Variants in CADM2 observed in about 807,000 individuals in gnomAD.
CADM2 encodes the protein immunoglobulin superfamily member 4D.
Under a neutral mutation model 49.8 loss-of-function variants are expected in CADM2, and 12 were observed. That is an observed-to-expected ratio of 0.24 (90% CI 0.15 to 0.39). CADM2 has a LOEUF of 0.39. Among genes scored for constraint, CADM2 ranks in the 10% least tolerant of loss-of-function variants. The probability of loss-of-function intolerance (pLI) is 1.00; values close to 1 mark genes in which losing one functional copy is unlikely to be tolerated. For synonymous variants in CADM2, 214 were observed against 175.4 expected (o/e 1.22, Z -1.74); for missense variants, 378 against 492.3 (o/e 0.77, Z 2.20).
intron 1 of CADM2, among the ~76,000 whole-genome samples, chr3:85,674,080 A>G (rs909175224): frequency 1.3e-5 from 2 of 152,174 alleles, no homozygotes; most frequent in Admixed American, 6.6e-5. Context: ...GTTGGAATGC[A>G]GCAGTCAACG....
intron 8 of CADM2, among the ~76,000 whole-genome samples, chr3:85,984,017 C>T (rs1577862064): frequency 6.7e-6 from 1 of 149,530 alleles, no homozygotes; most frequent in African/African-American, 2.4e-5. Flanking sequence ...ATATGACACA[C>T]ATAATATATT....
chr3:85,381,022 G>T (rs2033874469), intron 1 of CADM2, among the ~76,000 whole-genome samples: 1 of 152,036 alleles, frequency 6.6e-6, no homozygotes, highest in Non-Finnish European at 1.5e-5. Flanking sequence ...GTTAGAAAGT[G>T]TAGCTATGAA....
chr3:85,491,441 G>A (rs995427082), intron 1 of CADM2, among the ~76,000 whole-genome samples: 1 of 151,930 alleles, frequency 6.6e-6, no homozygotes, highest in African/African-American at 2.4e-5. Context: ...CCTTCATTTC[G>A]TTTTTGCCAT....
In CADM2 at chr3:85,321,112, ATATATTTTTTTTTTTTTTTTTTTTTTTTT is replaced by A. The variant is rs1232507846; in HGVS notation, c.61+361446_61+361474del. Among the ~76,000 whole-genome samples, 24 of 35,864 alleles carry A rather than the reference ATATATTTTTTTTTTTTTTTTTTTTTTTTT, an allele frequency of 6.7e-4. 1 individual carries two copies. The highest frequency in any genetic ancestry group is 1.9e-3 in the African/African-American group (21 of 10,882). The allele number at this position is 35,864 out of a possible 152,430, so 23.5% of individuals were successfully genotyped here. A position where few individuals can be genotyped will look rare whatever the true frequency, so the allele number is the denominator to read the frequency against. On this transcript the variant is annotated intron_variant, in intron 1 of 9. Transcript: ENST00000383699. ...TATACATATATATATATATATATAT[ATATATTTTTTTTTTTTTTTTTTTTTTTTT>A]TTTTTTTTTTTTTTTTTTTTTTTTT...
intron 1 of CADM2, among the ~76,000 whole-genome samples, chr3:85,256,751 T>C: frequency 6.6e-6 from 1 of 152,120 alleles, no homozygotes; most frequent in East Asian, 1.9e-4. Flanking sequence ...GCGCACACCG[T>C]CCATTCTGTA....
chr3:85,057,938 T>C (rs1247001227), intron 1 of CADM2, among the ~76,000 whole-genome samples: 1 of 152,194 alleles, frequency 6.6e-6, no homozygotes, highest in African/African-American at 2.4e-5. Flanking sequence ...TTTCATAAAA[T>C]ATTTTACTGT....
At position 84,959,360 on chromosome 3, in the gene CADM2, G is replaced by T. The variant is rs28646033; in HGVS notation, c.-248G>T. 70,789 of 563,714 alleles carry T rather than the reference G, an allele frequency of 0.13. 5,552 individuals carry two copies. Among genetic ancestry groups the T allele is most frequent in the Non-Finnish European group, 0.17 (53,471 of 316,788 alleles). 34.9% of individuals were successfully genotyped at this position (563,714 alleles called of 1,614,324 possible). ...CCCTGCCTGGAAGACGGGCTGTCGC[G>T]GCTGCACCACCAGCAGGAGGAGGAG... is the stretch of plus-strand genomic sequence containing the variant. On this transcript the variant is annotated 5_prime_UTR_variant, in exon 1 of 10. Coordinates refer to ENST00000383699, the MANE Select transcript of CADM2 (RefSeq NM_001167675.2).
chr3:85,675,895 C>T (rs1230743372), intron 1 of CADM2, among the ~76,000 whole-genome samples: 1 of 152,164 alleles, frequency 6.6e-6, no homozygotes, highest in Admixed American at 6.5e-5. Context: ...AGGGAGAAGA[C>T]ATAATGTGCA....
At chr3:85,629,105 C>G (rs191562074) in intron 1 of CADM2, among the ~76,000 whole-genome samples, 300 of 151,884 alleles carry the variant, frequency 2.0e-3, no homozygotes, top group African/African-American at 6.4e-3. Flanking sequence ...CTGTGAACCT[C>G]AGACAGCATA....
intron 1 of CADM2, among the ~76,000 whole-genome samples, chr3:85,328,017 G>A (rs1427958530): frequency 2.6e-5 from 4 of 152,114 alleles, no homozygotes; most frequent in Non-Finnish European, 5.9e-5. Context: ...ATTGTTTTCA[G>A]TCGAAATACT....
At chr3:85,514,246 A>G (rs928409834) in intron 1 of CADM2, among the ~76,000 whole-genome samples, 15 of 152,084 alleles carry the variant, frequency 9.9e-5, no homozygotes, top group African/African-American at 3.6e-4. Context: ...AAAGAGTTGT[A>G]ATGAGAATAA....
intron 8 of CADM2, chr3:86,012,733 T>A: frequency 1.2e-6 from 1 of 830,222 alleles, no homozygotes; most frequent in Non-Finnish European, 2.0e-6. Flanking sequence ...CTCACGCCTG[T>A]AATCCCAGCA....
intron 1 of CADM2, among the ~76,000 whole-genome samples, chr3:85,704,200 A>G (rs779378007): frequency 6.6e-6 from 1 of 152,196 alleles, no homozygotes; most frequent in African/African-American, 2.4e-5. Context: ...TGCCTACTAC[A>G]TGACAACTTC....
chr3:85,503,080 C>CAA (rs58175373), intron 1 of CADM2, among the ~76,000 whole-genome samples: 2 of 151,920 alleles, frequency 1.3e-5, no homozygotes, highest in Non-Finnish European at 2.9e-5. Context: ...GCCACACATA[C>CAA]TTACATATAC....
intron 1 of CADM2, among the ~76,000 whole-genome samples, chr3:85,445,321 C>CAT (rs779826385): frequency 2.8e-4 from 42 of 152,144 alleles, no homozygotes; most frequent in Non-Finnish European, 5.1e-4. Context: ...ATATGCAGTA[C>CAT]ATAGTCATGA....
At chr3:85,182,708 G>A (rs2040966126) in intron 1 of CADM2, among the ~76,000 whole-genome samples, 1 of 152,048 alleles carries the variant, frequency 6.6e-6, no homozygotes, top group Non-Finnish European at 1.5e-5. Flanking sequence ...ACGGTTGCAT[G>A]TCTCTTGTAA....
chr3:85,448,497 A>G (rs1036669749), intron 1 of CADM2, among the ~76,000 whole-genome samples: 2 of 152,248 alleles, frequency 1.3e-5, no homozygotes, highest in East Asian at 1.9e-4. Context: ...TTGAAAAGTT[A>G]AAAAGTTCAA....
chr3:85,845,348 T>G (rs372190806), intron 3 of CADM2, among the ~76,000 whole-genome samples: 7 of 152,074 alleles, frequency 4.6e-5, no homozygotes, highest in African/African-American at 1.7e-4. Context: ...AGGAGTCAGA[T>G]GACCAACTCA....
At chr3:85,636,321 C>T (rs1217806214) in intron 1 of CADM2, among the ~76,000 whole-genome samples, 1 of 149,026 alleles carries the variant, frequency 6.7e-6, no homozygotes, top group Non-Finnish European at 1.5e-5. Flanking sequence ...TGGTTTATAA[C>T]AAAAAAGCTT....
Sources: gnomAD v4.1 joint callset for allele counts (sites outside exome capture counted in the v4.1 genomes callset) on GRCh38, gnomAD v4.1.1 for gene constraint, MANE v1.5 for transcripts, NCBI Gene and HGNC (gene_info 2026-07-23, HGNC 2026-07-21) for gene names.